NAA35: variants seen among roughly 807,000 people sequenced by gnomAD.
NAA35 encodes the protein MAK10 homolog, amino-acid N-acetyltransferase subunit.
In NAA35, 18 loss-of-function variants were observed where a neutral mutation model predicts 101.7. The observed-to-expected ratio is 0.18, with a 90% confidence interval of 0.12 to 0.26. The LOEUF is 0.26. NAA35 is among the 10% of genes least tolerant of loss of function. The pLI is 1.00. For missense variants in NAA35, 601 were observed against 886.8 expected (o/e 0.68, Z 4.09); for synonymous variants, 267 against 273.1 (o/e 0.98, Z 0.22).
In NAA35 at chr9:85,979,718, G is replaced by T. The variant is rs540063770; in HGVS notation, c.877+1337G>T. ...CCTGTTTTGGAAAAGATTTCACTCTGTATTTTTCCTGTGCTCTCACACCAC... is the reference window on the plus strand; with the variant it reads ...CCTGTTTTGGAAAAGATTTCACTCTTTATTTTTCCTGTGCTCTCACACCAC... On this transcript the variant is annotated intron_variant, in intron 11 of 22. Transcript: ENST00000361671. 1.1e-4 allele frequency among the ~76,000 whole-genome samples: 17 copies of T among 152,280 alleles called. No individual in the cohort carries two copies. In the South Asian group the frequency reaches 2.5e-3, roughly 22 times the overall value.
Position 86,023,241 on chromosome 9 carries a change from T to TA in NAA35, c.*1289dup, listed in dbSNP as rs1223675810. On this transcript the variant is annotated 3_prime_UTR_variant, in exon 23 of 23. Transcript: ENST00000361671. ...CTGAAATTTCAGAACCGAAAAATCT[T>TA]AAAAAAAATTATTTTTTAAGTAGCC... 2.0e-5 allele frequency among the ~76,000 whole-genome samples: 3 copies of TA among 152,136 alleles called. No individual in the cohort carries two copies. Among genetic ancestry groups the TA allele is most frequent in the South Asian group, 2.1e-4 (1 of 4,826 alleles).
In NAA35 at chr9:85,962,240, C is replaced by T. The variant is rs1829545490; in HGVS notation, c.516+60C>T. The T allele has an allele frequency of 2.6e-6, 4 of 1,549,056 alleles. No individual in the cohort carries two copies. In the South Asian group the frequency reaches 4.8e-5, roughly 18 times the overall value. On this transcript the variant is annotated intron_variant, in intron 6 of 22. Transcript: ENST00000361671. Reference sequence around the variant, plus strand: ...GTGCGGTGGCTCATGCCTGTAATCTCAGCAGTTTGGGAGGCCAAGGTGGGC... The same window carrying T: ...GTGCGGTGGCTCATGCCTGTAATCTTAGCAGTTTGGGAGGCCAAGGTGGGC...
chr9:85,972,937 A>G (rs551042899), intron 6 of NAA35, among the ~76,000 whole-genome samples: 12 of 152,236 alleles, frequency 7.9e-5, no homozygotes, highest in Non-Finnish European at 1.3e-4. Flanking sequence ...TACACATATA[A>G]TGTCAGGTGG....
chr9:86,017,036 A>C (rs1832261290), intron 18 of NAA35, among the ~76,000 whole-genome samples: 1 of 152,252 alleles, frequency 6.6e-6, no homozygotes, highest in Non-Finnish European at 1.5e-5. Context: ...CGGGCACCGA[A>C]AGGTGGTTAC....
intron 2 of NAA35, among the ~76,000 whole-genome samples, chr9:85,954,277 C>A (rs1295905855): frequency 6.6e-6 from 1 of 152,136 alleles, no homozygotes; most frequent in Non-Finnish European, 1.5e-5. Flanking sequence ...GATACAGGGT[C>A]TCACAGTGTT....
At chr9:85,970,138 T>C (rs1046171784) in intron 6 of NAA35, among the ~76,000 whole-genome samples, 9 of 152,234 alleles carry the variant, frequency 5.9e-5, no homozygotes, top group Admixed American at 2.6e-4. Context: ...TTGACTGTTA[T>C]CTCTTTCTGT....
At chr9:85,985,733 TA>T (rs1186506180) in intron 11 of NAA35, among the ~76,000 whole-genome samples, 4 of 152,220 alleles carry the variant, frequency 2.6e-5, no homozygotes, top group African/African-American at 9.7e-5. Flanking sequence ...ATAGGTGAGT[TA>T]TGTGGTATGT....
In NAA35 at chr9:86,024,144, A is replaced by T. The variant is rs1243422186; in HGVS notation, c.*2184A>T. 1.3e-5 allele frequency among the ~76,000 whole-genome samples: 2 copies of T among 152,234 alleles called. No individual in the cohort carries two copies. Among genetic ancestry groups the T allele is most frequent in the African/African-American group, 4.8e-5 (2 of 41,456 alleles). On this transcript the variant is annotated 3_prime_UTR_variant, in exon 23 of 23. Transcript: ENST00000361671. ...TATCATCTTACGACAAATACAGAAA[A>T]GCAACAGGTATTGAAAATGCAGTGA...
intron 15 of NAA35, among the ~76,000 whole-genome samples, chr9:86,011,017 T>C (rs1050722860): frequency 6.6e-6 from 1 of 151,142 alleles, no homozygotes; most frequent in African/African-American, 2.4e-5. Context: ...CTGAGGCAGG[T>C]GGATCACCTG....
chr9:85,946,425 C>T (rs1184087282), intron 2 of NAA35, among the ~76,000 whole-genome samples: 1 of 152,192 alleles, frequency 6.6e-6, no homozygotes, highest in Non-Finnish European at 1.5e-5. Flanking sequence ...AACATTCTCT[C>T]CTGGGATGAT....
chr9:85,966,488 C>A, intron 6 of NAA35: 2 of 411,916 alleles, frequency 4.9e-6, no homozygotes, highest in Non-Finnish European at 4.1e-6. Flanking sequence ...ATGTTTATAA[C>A]ACCTTTAAAA....
At chr9:85,996,085 A>G (rs921114899) in intron 11 of NAA35, among the ~76,000 whole-genome samples, 10 of 152,188 alleles carry the variant, frequency 6.6e-5, no homozygotes, top group Admixed American at 5.2e-4. Flanking sequence ...CTGTTTTGAA[A>G]GAATATACTG....
intron 2 of NAA35, among the ~76,000 whole-genome samples, chr9:85,954,294 G>A (rs1250422264): frequency 6.6e-6 from 1 of 152,212 alleles, no homozygotes; most frequent in Non-Finnish European, 1.5e-5. Flanking sequence ...TGTTGCTCAG[G>A]CTGGTCTTGA....
chr9:85,970,109 G>C (rs988103500), intron 6 of NAA35, among the ~76,000 whole-genome samples: 2 of 152,214 alleles, frequency 1.3e-5, no homozygotes, highest in South Asian at 4.2e-4. Flanking sequence ...TCCCTGGTTT[G>C]CTACCTCACT....
intron 12 of NAA35, 124 bp downstream of exon 12, chr9:85,996,701 T>C (rs1476685037): frequency 1.5e-6 from 1 of 653,654 alleles, no homozygotes; most frequent in East Asian, 3.1e-5. Flanking sequence ...TTATAGACAT[T>C]GACCAAGGGT....
intron 11 of NAA35, among the ~76,000 whole-genome samples, chr9:85,990,839 CAGGGTGAGGCCT>C (rs2098751859): frequency 6.6e-6 from 1 of 152,132 alleles, no homozygotes; most frequent in Non-Finnish European, 1.5e-5. Context: ...GTACTTGTAG[CAGGGTGAGGCCT>C]AGCATGGGCC....
At chr9:86,008,406 T>C (rs776717601) in intron 14 of NAA35, among the ~76,000 whole-genome samples, 7 of 152,306 alleles carry the variant, frequency 4.6e-5, no homozygotes, top group South Asian at 2.1e-4. Context: ...TTAGCTCAAA[T>C]CTTTTGAAAG....
At chr9:85,954,785 A>G (rs1434768463) in intron 2 of NAA35, among the ~76,000 whole-genome samples, 2 of 152,232 alleles carry the variant, frequency 1.3e-5, no homozygotes, top group Non-Finnish European at 2.9e-5. Context: ...GTGTCAACAC[A>G]ATAAAAAAAG....
At chr9:85,943,254 A>T (rs1828603022) in intron 2 of NAA35, among the ~76,000 whole-genome samples, 1 of 152,158 alleles carries the variant, frequency 6.6e-6, no homozygotes, top group Non-Finnish European at 1.5e-5. Flanking sequence ...TAAAGAGAGG[A>T]TGAGATCAAG....
Sources: allele counts gnomAD v4.1 joint callset (sites outside exome capture counted in the v4.1 genomes callset), GRCh38; gene constraint gnomAD v4.1.1; transcripts MANE v1.5; gene names NCBI Gene and HGNC (gene_info 2026-07-23, HGNC 2026-07-21).